CSMD3: variants seen among roughly 807,000 people sequenced by gnomAD.
CSMD3 encodes the protein CUB and sushi domain-containing protein 3.
Under a neutral mutation model 435.2 loss-of-function variants are expected in CSMD3, and 177 were observed. The observed-to-expected ratio is 0.41, with a 90% CI of 0.36 to 0.46. CSMD3 has a LOEUF of 0.46. CSMD3 is among the 20% of genes least tolerant of loss of function. The pLI, the probability that CSMD3 is intolerant of heterozygous loss-of-function variation, is 0.34. For synonymous variants in CSMD3, 1,656 were observed against 1,520.5 expected (o/e 1.09, Z -2.07); for missense variants, 4,265 against 4,504.6 (o/e 0.95, Z 1.52).
chr8:112,483,726 T>A (rs1193209966), intron 31 of CSMD3, among the ~76,000 whole-genome samples: 3 of 152,108 alleles, frequency 2.0e-5, no homozygotes, highest in South Asian at 2.1e-4. Flanking sequence ...ACTAACCTCA[T>A]CAATCTCAGG....
At chr8:113,098,482 AC>A (rs2090230898) in intron 5 of CSMD3, 2 of 419,752 alleles carry the variant, frequency 4.8e-6, no homozygotes, top group Middle Eastern at 1.4e-3. Flanking sequence ...TTTGAGAGAA[AC>A]CATCAAGTTT....
intron 3 of CSMD3, among the ~76,000 whole-genome samples, chr8:113,180,818 T>C (rs868618474): frequency 2.6e-5 from 4 of 152,008 alleles, no homozygotes; most frequent in Non-Finnish European, 4.4e-5. Flanking sequence ...TTCAATTCTG[T>C]TTCTATGTGA....
rs565535928 is a variant in CSMD3, at chr8:112,400,821, T to C, written c.5809+5703A>G. Among the ~76,000 whole-genome samples the C allele has an allele frequency of 3.9e-5, 6 of 152,316 alleles. 1 individual carries two copies. Among genetic ancestry groups the C allele is most frequent in the East Asian group, 1.9e-4 (1 of 5,186 alleles). Reference sequence around the variant, plus strand: ...TGGCTAAAATGCTGGGATTAATCAATTGATACATTTGAAATACAAAAACAC... The same window carrying C: ...TGGCTAAAATGCTGGGATTAATCAACTGATACATTTGAAATACAAAAACAC... On this transcript the variant is annotated intron_variant, in intron 35 of 70. Coordinates refer to ENST00000297405, the MANE Select transcript of CSMD3 (RefSeq NM_198123.2).
At chr8:112,869,446 C>G (rs1353733972) in intron 10 of CSMD3, among the ~76,000 whole-genome samples, 2 of 151,998 alleles carry the variant, frequency 1.3e-5, no homozygotes, top group African/African-American at 4.8e-5. Context: ...CAAATACAAT[C>G]TCATAGTTAA....
At chr8:112,468,223 T>A (rs532434809) in intron 32 of CSMD3, among the ~76,000 whole-genome samples, 106 of 148,160 alleles carry the variant, frequency 7.2e-4, no homozygotes, top group Non-Finnish European at 1.2e-3. Flanking sequence ...TCTCCTCCAA[T>A]TGCCTAAAGT....
chr8:112,517,835 C>A (rs921110796), intron 27 of CSMD3, among the ~76,000 whole-genome samples: 1 of 152,098 alleles, frequency 6.6e-6, no homozygotes, highest in Non-Finnish European at 1.5e-5. Flanking sequence ...GTGGTAAAAC[C>A]ACTCTGGAAA....
intron 38 of CSMD3, among the ~76,000 whole-genome samples, chr8:112,373,313 G>A (rs748920008): frequency 6.6e-6 from 1 of 151,954 alleles, no homozygotes; most frequent in African/African-American, 2.4e-5. Context: ...ATGTTACTCA[G>A]TGGGCAGAAC....
intron 13 of CSMD3, among the ~76,000 whole-genome samples, chr8:112,793,797 A>G (rs781632082): frequency 1.3e-5 from 2 of 152,150 alleles, no homozygotes; most frequent in Non-Finnish European, 2.9e-5. Flanking sequence ...TTGGTAAAAG[A>G]AGAAGTCACA....
chr8:112,810,467 C>T (rs1019787981), intron 12 of CSMD3, among the ~76,000 whole-genome samples: 12 of 151,888 alleles, frequency 7.9e-5, no homozygotes, highest in African/African-American at 2.7e-4. Flanking sequence ...CTCTCCAGTC[C>T]AAATATCAAT....
rs562876564 is a variant in CSMD3 at position 112,521,879 on chromosome 8, G to A, written c.4565-4654C>T. 5.9e-5 allele frequency among the ~76,000 whole-genome samples: 9 copies of A among 151,714 alleles called. No individual in the cohort carries two copies. The South Asian group carries it at 1.9e-3, about 32-fold the overall frequency. ...CTATATAAATTTTTCCTAGACAATT[G>A]ATGTCATTGTAAATGTACTTCTAAT... On this transcript the variant is annotated intron_variant, in intron 27 of 70. Transcript: ENST00000297405.
At chr8:113,122,745 T>G (rs565724783) in intron 4 of CSMD3, among the ~76,000 whole-genome samples, 1 of 152,124 alleles carries the variant, frequency 6.6e-6, no homozygotes, top group African/African-American at 2.4e-5. Flanking sequence ...AACACCTTGC[T>G]TTTAGGCTAG....
At position 113,122,293 on chromosome 8, in the gene CSMD3, C is replaced by T. The variant is rs190387871; in HGVS notation, c.710-23330G>A. Among the ~76,000 whole-genome samples the T allele has an allele frequency of 2.9e-3, 434 of 152,148 alleles. 2 individuals are homozygous for T. Among genetic ancestry groups the T allele is most frequent in the Non-Finnish European group, 4.8e-3 (324 of 68,002 alleles). On this transcript the variant is annotated intron_variant, in intron 4 of 70. Transcript: ENST00000297405. ...AAATTAGCTCAGAGTTGTTAATAAA[C>T]GTGCCCCAATTACACTATGAAAAAG...
chr8:113,050,721 A>G (rs557945360), intron 5 of CSMD3, among the ~76,000 whole-genome samples: 1 of 152,230 alleles, frequency 6.6e-6, no homozygotes, highest in East Asian at 1.9e-4. Context: ...TGCCCAGAAG[A>G]GACTGCTCTC....
At chr8:112,337,268 A>T (rs369867015) in intron 43 of CSMD3, among the ~76,000 whole-genome samples, 1 of 152,124 alleles carries the variant, frequency 6.6e-6, no homozygotes, top group African/African-American at 2.4e-5. Context: ...ATGCATACAA[A>T]CCCACATGCA....
chr8:113,103,865 C>A (rs1218509784), intron 4 of CSMD3, among the ~76,000 whole-genome samples: 1 of 152,154 alleles, frequency 6.6e-6, no homozygotes, highest in Admixed American at 6.5e-5. Flanking sequence ...TATGATTTCA[C>A]AAATGTACTT....
At chr8:113,291,067 T>C (rs1259752293) in intron 2 of CSMD3, among the ~76,000 whole-genome samples, 1 of 151,566 alleles carries the variant, frequency 6.6e-6, no homozygotes, top group Non-Finnish European at 1.5e-5. Context: ...TATTTGAATG[T>C]TCTATTTTTC....
chr8:112,966,700 C>A (rs963875125), intron 7 of CSMD3, among the ~76,000 whole-genome samples: 4 of 151,664 alleles, frequency 2.6e-5, no homozygotes, highest in African/African-American at 7.2e-5. Flanking sequence ...TCATCTATTC[C>A]TTTATTGATC....
At chr8:113,123,981 C>G (rs2091055385) in intron 4 of CSMD3, among the ~76,000 whole-genome samples, 1 of 151,978 alleles carries the variant, frequency 6.6e-6, no homozygotes, top group African/African-American at 2.4e-5. Flanking sequence ...ACTGGGCAAT[C>G]ACCTTTTTGT....
chr8:113,130,687 G>T (rs912953755), intron 4 of CSMD3, among the ~76,000 whole-genome samples: 3 of 152,160 alleles, frequency 2.0e-5, no homozygotes, highest in Non-Finnish European at 4.4e-5. Flanking sequence ...TGAAAAAGTG[G>T]AAGTGACTTT....
Sources: gnomAD v4.1 joint callset for allele counts (sites outside exome capture counted in the v4.1 genomes callset) on GRCh38, gnomAD v4.1.1 for gene constraint, MANE v1.5 for transcripts, NCBI Gene and HGNC (gene_info 2026-07-23, HGNC 2026-07-21) for gene names.